Variants in NPHP4 observed in about 807,000 individuals in gnomAD.
NPHP4 encodes nephrocystin 4.
NPHP4 carries 151 observed loss-of-function variants against 155.8 expected under a neutral mutation model. That is an observed-to-expected ratio of 0.97 (90% confidence interval 0.85 to 1.11). NPHP4 has a LOEUF of 1.11. NPHP4 is among the 50% of genes least tolerant of loss of function. NPHP4 has a pLI of 0.00. For missense variants in NPHP4, 1,956 were observed against 1,925.7 expected (o/e 1.02, Z -0.29); for synonymous variants, 845 against 816.8 (o/e 1.03, Z -0.59).
chr1:5,895,548 T>G (rs1330756878), intron 16 of NPHP4, among the ~76,000 whole-genome samples: 1 of 152,094 alleles, frequency 6.6e-6, no homozygotes, highest in Non-Finnish European at 1.5e-5. Context: ...TAAGATGGAC[T>G]TCACATCTAT....
intron 11 of NPHP4, among the ~76,000 whole-genome samples, chr1:5,913,084 G>A (rs1276698364): frequency 2.0e-5 from 3 of 151,524 alleles, no homozygotes; most frequent in South Asian, 2.1e-4. Context: ...CCAGGAGGCG[G>A]AGGTTGCAAT....
chr1:5,967,011 TA>T (rs1651642818), intron 5 of NPHP4, among the ~76,000 whole-genome samples: 2 of 152,228 alleles, frequency 1.3e-5, no homozygotes, highest in Non-Finnish European at 2.9e-5. Flanking sequence ...AGAGAGCTAC[TA>T]CTTCATCTGG....
At chr1:5,921,447 G>T (rs893176419) in intron 11 of NPHP4, among the ~76,000 whole-genome samples, 1 of 152,160 alleles carries the variant, frequency 6.6e-6, no homozygotes, top group Non-Finnish European at 1.5e-5. Context: ...TTCTTCCCAC[G>T]GTGGTAAGAG....
At chr1:5,920,123 G>A (rs191202760) in intron 11 of NPHP4, among the ~76,000 whole-genome samples, 6 of 152,180 alleles carry the variant, frequency 3.9e-5, no homozygotes, top group Non-Finnish European at 7.4e-5. Context: ...GTAGAGATAG[G>A]GTTTCACCAT....
rs1470010771 is a variant in NPHP4 at position 5,874,997 on chromosome 1, G to A, written c.2921C>T (p.Ala974Val). 1.2e-6 allele frequency: 2 copies of A among 1,612,108 alleles called. No homozygotes were observed. The highest frequency in any genetic ancestry group is 1.7e-5 in the Admixed American group (1 of 60,006). The stretch of plus-strand genomic sequence containing the variant: ...GTGGAGCGTGTGCTCCGTGGTGATG[G>A]CCAGGCTCAGCAGGCTGGCGATGCT... ...AESIASLLSL[A>V]ITTEHTLHAT... Residue 974 changes from alanine to valine, a missense_variant, in exon 21 of 30, where the codon GCC becomes GTC. Coordinates refer to ENST00000378156, the MANE Select transcript of NPHP4 (RefSeq NM_015102.5).
intron 23 of NPHP4, among the ~76,000 whole-genome samples, chr1:5,872,259 T>C (rs1223875508): frequency 6.6e-6 from 1 of 152,236 alleles, no homozygotes; most frequent in African/African-American, 2.4e-5. Context: ...CCTCTGGGCA[T>C]TTGGCAAGCT....
rs532118887 is a variant in NPHP4, at chr1:5,943,982, G to C, written c.1119+3122C>G. ...GGGGTTGGAGGTGGGTGCAGGGAGC[G>C]CACCACATGCTTCTCCACTGTTAGC... On this transcript the variant is annotated intron_variant, in intron 9 of 29. Transcript: ENST00000378156. Among the ~76,000 whole-genome samples the C allele has an allele frequency of 2.3e-3, 344 of 151,996 alleles. 2 individuals carry two copies. Among genetic ancestry groups the C allele is most frequent in the African/African-American group, 7.8e-3 (322 of 41,418 alleles).
At position 5,964,511 on chromosome 1, in the gene NPHP4, G is replaced by A. The variant is rs889127097; in HGVS notation, c.518-2562C>T. Among the ~76,000 whole-genome samples, 8 of 152,206 alleles carry A rather than the reference G, an allele frequency of 5.3e-5. 1 individual carries two copies. Among genetic ancestry groups the A allele is most frequent in the Admixed American group, 2.6e-4 (4 of 15,290 alleles). On this transcript the variant is annotated intron_variant, in intron 5 of 29. Transcript: ENST00000378156. ...GACCATTCTCCAAGAGAAGACCACC[G>A]CGTGTTCTGTACAAGCCATGCCTGG...
intron 11 of NPHP4, among the ~76,000 whole-genome samples, chr1:5,915,137 G>C (rs957402785): frequency 1.3e-5 from 2 of 152,238 alleles, no homozygotes; most frequent in African/African-American, 2.4e-5. Context: ...AGGAGGGAGA[G>C]GGGGCAGCAC....
intron 11 of NPHP4, among the ~76,000 whole-genome samples, chr1:5,921,226 G>A (rs1001566542): frequency 1.3e-5 from 2 of 152,192 alleles, no homozygotes; most frequent in South Asian, 2.1e-4. Context: ...TCATTTAACC[G>A]ACACACAGCA....
chr1:5,888,304 C>T, intron 17 of NPHP4: 1 of 983,862 alleles, frequency 1.0e-6, no homozygotes, highest in Non-Finnish European at 1.2e-6. Context: ...GGCTGTGCCC[C>T]AGGCGTGGCT....
intron 18 of NPHP4, among the ~76,000 whole-genome samples, chr1:5,884,844 C>A (rs35406877): frequency 0.15 from 21,032 of 138,652 alleles, 979 homozygotes; most frequent in African/African-American, 0.21. Context: ...CAACCAAGAT[C>A]ACTGCCCAAG....
intron 18 of NPHP4, among the ~76,000 whole-genome samples, chr1:5,883,788 A>C (rs1643524007): frequency 6.6e-6 from 1 of 152,196 alleles, no homozygotes; most frequent in African/African-American, 2.4e-5. Flanking sequence ...ATCTGACTGA[A>C]GTGGGCACTG....
At chr1:5,880,309 C>CACAT in intron 18 of NPHP4, 70 bp from the exon 19 acceptor site, 1 of 1,539,790 alleles carries the variant, frequency 6.5e-7, no homozygotes, top group South Asian at 1.1e-5. Flanking sequence ...ATCAACCCAC[C>CACAT]ACATAAGCGG....
At chr1:5,959,529 C>A (rs1035073502) in intron 6 of NPHP4, among the ~76,000 whole-genome samples, 1 of 152,152 alleles carries the variant, frequency 6.6e-6, no homozygotes, top group South Asian at 2.1e-4. Flanking sequence ...CTGAGCCAGT[C>A]CAGTGACCTG....
At chr1:5,987,580 AAG>A (rs1468225473) in intron 1 of NPHP4, among the ~76,000 whole-genome samples, 3 of 152,188 alleles carry the variant, frequency 2.0e-5, no homozygotes, top group Admixed American at 6.5e-5. Flanking sequence ...AGCTTCAAGT[AAG>A]AACATCCTTG....
At chr1:5,967,495 G>C in intron 4 of NPHP4, 132 bp from the exon 5 acceptor site, 1 of 710,074 alleles carries the variant, frequency 1.4e-6, no homozygotes, top group Non-Finnish European at 2.4e-6. Flanking sequence ...CTCTGCGGAA[G>C]GCAGAGGCAG....
chr1:5,953,592 G>T (rs932933277), intron 6 of NPHP4, among the ~76,000 whole-genome samples: 1 of 152,224 alleles, frequency 6.6e-6, no homozygotes, highest in African/African-American at 2.4e-5. Flanking sequence ...GAGCAGGCAT[G>T]AGCCTGTCAA....
In NPHP4 at chr1:5,965,522, G is replaced by A. The variant is rs578110574; in HGVS notation, c.517+1777C>T. Among the ~76,000 whole-genome samples, 23 of 152,250 alleles carry A rather than the reference G, an allele frequency of 1.5e-4. No homozygotes were observed. In the East Asian group the frequency reaches 3.3e-3, roughly 22 times the overall value. Reference sequence around the variant, plus strand: ...AACCTAAAAGCCAATCTTCAGCAACGAAATGAAGTTCCTGACTGGTTGTTC... The same window carrying A: ...AACCTAAAAGCCAATCTTCAGCAACAAAATGAAGTTCCTGACTGGTTGTTC... On this transcript the variant is annotated intron_variant, in intron 5 of 29. Coordinates refer to ENST00000378156, the MANE Select transcript of NPHP4 (RefSeq NM_015102.5).
Sources: gnomAD v4.1 joint callset for allele counts (sites outside exome capture counted in the v4.1 genomes callset) on GRCh38, gnomAD v4.1.1 for gene constraint, MANE v1.5 for transcripts, NCBI Gene and HGNC (gene_info 2026-07-23, HGNC 2026-07-21) for gene names.